The following MACROD2 variants were observed in gnomAD, a reference collection of about 807,000 sequenced individuals.
MACROD2 encodes the protein ADP-ribose glycohydrolase MACROD2.
A neutral mutation model predicts 70.4 loss-of-function variants in MACROD2; 36 were observed. The observed-to-expected ratio is 0.51, with a 90% CI of 0.39 to 0.68. MACROD2 has a LOEUF of 0.68. Ranked by LOEUF, MACROD2 falls within the 30% of genes least tolerant of loss-of-function variation. The pLI, the probability that MACROD2 is intolerant of heterozygous loss-of-function variation, is 0.00. For synonymous variants in MACROD2, 172 were observed against 178.8 expected (o/e 0.96, Z 0.30); for missense variants, 496 against 538.4 (o/e 0.92, Z 0.78).
chr20:15,173,753 G>T (rs1464308311), intron 5 of MACROD2, among the ~76,000 whole-genome samples: 1 of 152,104 alleles, frequency 6.6e-6, no homozygotes, highest in African/African-American at 2.4e-5. Flanking sequence ...TTTTAGCATG[G>T]TGATATCACG....
intron 3 of MACROD2, among the ~76,000 whole-genome samples, chr20:14,286,210 T>C (rs1367505388): frequency 1.3e-5 from 2 of 152,184 alleles, no homozygotes; most frequent in East Asian, 3.8e-4. Flanking sequence ...GCTATTCTGA[T>C]GTCTTCTAGC....
At chr20:15,201,131 G>C (rs777983888) in intron 5 of MACROD2, among the ~76,000 whole-genome samples, 9 of 152,044 alleles carry the variant, frequency 5.9e-5, no homozygotes, top group African/African-American at 2.2e-4. Flanking sequence ...CCTGCATCTC[G>C]GACATAAAGC....
intron 3 of MACROD2, among the ~76,000 whole-genome samples, chr20:14,231,042 G>GA (rs1308378684): frequency 3.3e-5 from 5 of 151,248 alleles, no homozygotes; most frequent in African/African-American, 1.2e-4. Context: ...AAAATATTCA[G>GA]TAGACCATGT....
intron 6 of MACROD2, among the ~76,000 whole-genome samples, chr20:15,403,183 G>A (rs1365080416): frequency 2.0e-5 from 3 of 152,138 alleles, no homozygotes; most frequent in African/African-American, 4.8e-5. Context: ...GGCCAGGCTG[G>A]TCTCAAACTC....
At chr20:14,429,036 G>T (rs559720563) in intron 3 of MACROD2, among the ~76,000 whole-genome samples, 6 of 152,094 alleles carry the variant, frequency 3.9e-5, no homozygotes, top group Non-Finnish European at 8.8e-5. Flanking sequence ...TTAATATGCA[G>T]TATTTACTGC....
At chr20:15,339,898 T>A (rs17300559) in intron 6 of MACROD2, among the ~76,000 whole-genome samples, 26,239 of 151,438 alleles carry the variant, frequency 0.17, 2,733 homozygotes, top group Non-Finnish European at 0.23. Context: ...CAATGTAGTT[T>A]TAATAATGCT....
chr20:14,792,170 G>A (rs914125717), intron 5 of MACROD2, among the ~76,000 whole-genome samples: 13 of 151,712 alleles, frequency 8.6e-5, no homozygotes, highest in Non-Finnish European at 1.6e-4. Context: ...ATGGAATGGC[G>A]GCCACTGTTT....
chr20:14,190,995 C>T (rs985172131), intron 3 of MACROD2, among the ~76,000 whole-genome samples: 1 of 151,992 alleles, frequency 6.6e-6, no homozygotes, highest in Non-Finnish European at 1.5e-5. Flanking sequence ...GCGTGAGCCA[C>T]CGCGCCTGGC....
chr20:15,631,168 T>A (rs2049285003), intron 8 of MACROD2, among the ~76,000 whole-genome samples: 1 of 152,200 alleles, frequency 6.6e-6, no homozygotes, highest in Non-Finnish European at 1.5e-5. Context: ...TTCATCCACA[T>A]GCGGGAGGGA....
intron 6 of MACROD2, among the ~76,000 whole-genome samples, chr20:15,358,466 G>C (rs532754076): frequency 2.8e-4 from 42 of 150,856 alleles, no homozygotes; most frequent in Middle Eastern, 3.4e-3. Flanking sequence ...AGTTTTTAAC[G>C]TTTTATAACA....
intron 7 of MACROD2, among the ~76,000 whole-genome samples, chr20:15,498,706 G>A (rs918573215): frequency 1.3e-5 from 2 of 152,134 alleles, no homozygotes; most frequent in South Asian, 4.1e-4. Flanking sequence ...ACAGATTTTT[G>A]TTTTGGGATG....
At chr20:14,086,328 G>A in intron 3 of MACROD2, 1 of 236,346 alleles carries the variant, frequency 4.2e-6, no homozygotes, top group Non-Finnish European at 8.9e-6. Context: ...TTTATTATGT[G>A]GCTATATATC....
chr20:14,804,228 G>A (rs1164123181), intron 5 of MACROD2, among the ~76,000 whole-genome samples: 6 of 151,594 alleles, frequency 4.0e-5, no homozygotes, highest in East Asian at 3.9e-4. Flanking sequence ...GGAATAGGTC[G>A]TTATTTGGCT....
intron 5 of MACROD2, among the ~76,000 whole-genome samples, chr20:15,084,308 T>A (rs1345229593): frequency 1.3e-5 from 2 of 152,078 alleles, no homozygotes; most frequent in Non-Finnish European, 2.9e-5. Context: ...CCTCATGTGA[T>A]CTGCCCACCT....
intron 2 of MACROD2, among the ~76,000 whole-genome samples, chr20:14,007,866 ATTAC>A (rs1023994604): frequency 2.6e-5 from 4 of 152,210 alleles, no homozygotes; most frequent in African/African-American, 9.6e-5. Flanking sequence ...TTTTTGAGTA[ATTAC>A]TTTTAATGTT....
At chr20:15,382,849 A>C (rs1440892532) in intron 6 of MACROD2, among the ~76,000 whole-genome samples, 1 of 152,160 alleles carries the variant, frequency 6.6e-6, no homozygotes, top group Non-Finnish European at 1.5e-5. Context: ...AGGGAGACAG[A>C]AATTTGGCCA....
At chr20:15,971,710 C>T (rs1423591429) in intron 13 of MACROD2, among the ~76,000 whole-genome samples, 3 of 152,114 alleles carry the variant, frequency 2.0e-5, no homozygotes, top group Non-Finnish European at 4.4e-5. Flanking sequence ...AGAACAGACA[C>T]TAATACTCTG....
chr20:14,400,036 T>A (rs994386116), intron 3 of MACROD2, among the ~76,000 whole-genome samples: 14 of 142,136 alleles, frequency 9.8e-5, no homozygotes, highest in Non-Finnish European at 2.1e-4. Context: ...ATTTCTGTCC[T>A]AAGTATTTGT....
chr20:14,596,558 A>G (rs1982159617), intron 4 of MACROD2, among the ~76,000 whole-genome samples: 1 of 151,630 alleles, frequency 6.6e-6, no homozygotes, highest in Admixed American at 6.6e-5. Flanking sequence ...TTTAAAATGG[A>G]GCTTTTGTCT....
Sources: gnomAD v4.1 joint callset for allele counts (sites outside exome capture counted in the v4.1 genomes callset) on GRCh38, gnomAD v4.1.1 for gene constraint, MANE v1.5 for transcripts, NCBI Gene and HGNC (gene_info 2026-07-23, HGNC 2026-07-21) for gene names.